MITF: variants seen among roughly 807,000 people sequenced by gnomAD.
The protein encoded by MITF is microphthalmia-associated transcription factor.
In MITF, 17 loss-of-function variants were observed where a neutral mutation model predicts 60.5. The ratio of observed to expected loss-of-function variants is 0.28; its 90% CI spans 0.19 to 0.42. The LOEUF is 0.42. Ranked by LOEUF, MITF falls within the 10% of genes least tolerant of loss-of-function variation. The probability of loss-of-function intolerance (pLI) is 1.00; values close to 1 mark genes in which losing one functional copy is unlikely to be tolerated. For synonymous variants in MITF, 260 were observed against 248.5 expected, an observed-to-expected ratio of 1.05 and a Z score of -0.43; for missense variants, 622 against 683.5, an observed-to-expected ratio of 0.91 and a Z score of 1.00.
intron 5 of MITF, among the ~76,000 whole-genome samples, chr3:69,945,626 G>A (rs185704027): frequency 1.3e-5 from 2 of 152,260 alleles, no homozygotes; most frequent in Admixed American, 1.3e-4. Context: ...AATAAGAGCG[G>A]TTGATAGAAA....
intron 2 of MITF, among the ~76,000 whole-genome samples, chr3:69,905,175 A>G (rs1304969584): frequency 1.3e-5 from 2 of 152,032 alleles, no homozygotes; most frequent in African/African-American, 4.8e-5. Flanking sequence ...GATTTGTGTC[A>G]CTATAGATGA....
intron 1 of MITF, among the ~76,000 whole-genome samples, chr3:69,817,048 G>A (rs945914147): frequency 6.6e-6 from 1 of 152,070 alleles, no homozygotes; most frequent in Non-Finnish European, 1.5e-5. Context: ...TTCTGGGTGT[G>A]GTAGCCAGAA....
chr3:69,848,957 C>CTTTTTTTT (rs55969316), intron 1 of MITF, among the ~76,000 whole-genome samples: 3 of 73,306 alleles, frequency 4.1e-5, no homozygotes, highest in African/African-American at 1.0e-4. Flanking sequence ...AAAGATTCTT[C>CTTTTTTTT]TTTTTTTTTT....
intron 2 of MITF, among the ~76,000 whole-genome samples, chr3:69,898,921 G>A (rs2064937108): frequency 6.6e-6 from 1 of 152,140 alleles, no homozygotes; most frequent in Non-Finnish European, 1.5e-5. Flanking sequence ...CTAATGGTGA[G>A]TGAAAACACA....
chr3:69,857,299 C>G (rs2063935245), intron 1 of MITF, among the ~76,000 whole-genome samples: 1 of 151,996 alleles, frequency 6.6e-6, no homozygotes, highest in African/African-American at 2.4e-5. Context: ...AACTCCAGAC[C>G]TGTGGCACAT....
intron 1 of MITF, among the ~76,000 whole-genome samples, chr3:69,822,109 G>T (rs943908253): frequency 3.9e-5 from 6 of 152,160 alleles, no homozygotes; most frequent in Admixed American, 1.3e-4. Context: ...TGAGTTTATA[G>T]ATGATATTTT....
intron 1 of MITF, 140 bp from the exon 2 acceptor site, chr3:69,878,994 A>T: frequency 1.4e-6 from 1 of 708,256 alleles, no homozygotes; most frequent in Non-Finnish European, 2.5e-6. Context: ...ATTTTCAATT[A>T]TGTGGAGTAC....
chr3:69,859,670 T>C (rs2063978479), intron 1 of MITF, among the ~76,000 whole-genome samples: 1 of 152,090 alleles, frequency 6.6e-6, no homozygotes, highest in Non-Finnish European at 1.5e-5. Flanking sequence ...AAGAAACTGA[T>C]GTTGTAGATG....
chr3:69,927,581 A>G (rs772235265), intron 2 of MITF, among the ~76,000 whole-genome samples: 28 of 152,382 alleles, frequency 1.8e-4, no homozygotes, highest in Non-Finnish European at 2.8e-4. Flanking sequence ...TGTACTAGAC[A>G]AGAAATAAAC....
intron 2 of MITF, among the ~76,000 whole-genome samples, chr3:69,905,560 C>T (rs147614178): frequency 1.6e-4 from 24 of 152,204 alleles, no homozygotes; most frequent in African/African-American, 5.5e-4. Flanking sequence ...AAGTGCCAAA[C>T]TTGCTTTCCT....
intron 1 of MITF, among the ~76,000 whole-genome samples, chr3:69,829,491 A>G (rs924121038): frequency 1.3e-5 from 2 of 152,226 alleles, no homozygotes; most frequent in African/African-American, 4.8e-5. Context: ...TGATTCAGAA[A>G]AAGTAATTCT....
At chr3:69,855,446 A>C (rs1477203602) in intron 1 of MITF, among the ~76,000 whole-genome samples, 1 of 152,174 alleles carries the variant, frequency 6.6e-6, no homozygotes, top group African/African-American at 2.4e-5. Context: ...ATTTAAGCTT[A>C]AGAGTTATAG....
chr3:69,908,739 A>G (rs1369872024), intron 2 of MITF, among the ~76,000 whole-genome samples: 6 of 152,124 alleles, frequency 3.9e-5, no homozygotes, highest in Non-Finnish European at 8.8e-5. Context: ...ATATCCTTTT[A>G]TCTGGTAATT....
At chr3:69,832,253 AT>A (rs111596507) in intron 1 of MITF, among the ~76,000 whole-genome samples, 2 of 152,298 alleles carry the variant, frequency 1.3e-5, no homozygotes, top group African/African-American at 4.8e-5. Flanking sequence ...TTGGTGGTCA[AT>A]TTATACCCCC....
chr3:69,927,121 G>GTT (rs578024716), intron 2 of MITF, among the ~76,000 whole-genome samples: 1 of 145,456 alleles, frequency 6.9e-6, no homozygotes. Context: ...TTTGTCATTA[G>GTT]TTTTTTTTTT....
chr3:69,835,179 G>A (rs1000734689), intron 1 of MITF, among the ~76,000 whole-genome samples: 1 of 151,824 alleles, frequency 6.6e-6, no homozygotes, highest in African/African-American at 2.4e-5. Context: ...CACCACGCCT[G>A]GCTGATTTTT....
chr3:69,845,298 T>A (rs1048322390), intron 1 of MITF, among the ~76,000 whole-genome samples: 6 of 152,114 alleles, frequency 3.9e-5, no homozygotes, highest in Non-Finnish European at 7.4e-5. Context: ...TTCTCCCAGA[T>A]CATTTTATTT....
At chr3:69,798,309 T>G (rs7635551) in intron 1 of MITF, among the ~76,000 whole-genome samples, 76,831 of 152,066 alleles carry the variant, frequency 0.51, 21,046 homozygotes, top group Non-Finnish European at 0.64. Context: ...TTGAATTCCT[T>G]CTATATGTTT....
intron 1 of MITF, among the ~76,000 whole-genome samples, chr3:69,743,000 A>T (rs1450853406): frequency 6.6e-6 from 1 of 152,324 alleles, no homozygotes; most frequent in African/African-American, 2.4e-5. Context: ...TGCAAACTCC[A>T]AGGGAACAGG....
Sources: allele counts gnomAD v4.1 joint callset (sites outside exome capture counted in the v4.1 genomes callset), GRCh38; gene constraint gnomAD v4.1.1; transcripts MANE v1.5; gene names NCBI Gene and HGNC (gene_info 2026-07-23, HGNC 2026-07-21).